Variants in WWOX observed in about 807,000 individuals in gnomAD.
The protein encoded by WWOX is WW domain containing oxidoreductase.
WWOX carries 69 observed loss-of-function variants against 46.2 expected under a neutral mutation model. That is an observed-to-expected ratio of 1.49 (90% CI 1.23 to 1.82). The LOEUF (loss-of-function observed/expected upper bound fraction) is 1.82. Ranked by LOEUF, WWOX falls within the 40% of genes most tolerant of loss-of-function variation. WWOX has a pLI of 0.00. For missense variants in WWOX, 919 were observed against 542.6 expected (o/e 1.69, Z -6.89); for synonymous variants, 359 against 202.6 (o/e 1.77, Z -6.56).
At chr16:79,005,041 G>C (rs975843596) in intron 8 of WWOX, among the ~76,000 whole-genome samples, 1 of 152,174 alleles carries the variant, frequency 6.6e-6, no homozygotes, top group East Asian at 1.9e-4. Flanking sequence ...GCACAAATGT[G>C]CTTGTTTTTG....
intron 8 of WWOX, among the ~76,000 whole-genome samples, chr16:78,734,448 C>T (rs1273624503): frequency 6.6e-6 from 1 of 152,106 alleles, no homozygotes; most frequent in African/African-American, 2.4e-5. Flanking sequence ...ACCTATTTAA[C>T]CTGTGCGTCC....
intron 5 of WWOX, among the ~76,000 whole-genome samples, chr16:78,254,502 G>GTTTTTTTTTTTTTTTTTTTTTTTT (rs59706959): frequency 3.3e-5 from 3 of 91,648 alleles, no homozygotes; most frequent in African/African-American, 1.6e-4. Context: ...TTTCTTTCTT[G>GTTTTTTTTTTTTTTTTTTTTTTTT]TTTTTTTTTT....
At chr16:78,818,564 C>G (rs2051405858) in intron 8 of WWOX, among the ~76,000 whole-genome samples, 2 of 152,176 alleles carry the variant, frequency 1.3e-5, no homozygotes, top group South Asian at 2.1e-4. Flanking sequence ...GACCCAATCT[C>G]TCCAAAAAGT....
intron 8 of WWOX, among the ~76,000 whole-genome samples, chr16:78,838,809 C>G (rs1472799828): frequency 6.6e-6 from 1 of 152,154 alleles, no homozygotes; most frequent in Non-Finnish European, 1.5e-5. Flanking sequence ...TGCCCCTGTA[C>G]TCCAGCCTGG....
intron 8 of WWOX, among the ~76,000 whole-genome samples, chr16:79,070,645 G>A (rs1259420243): frequency 6.6e-6 from 1 of 152,176 alleles, no homozygotes; most frequent in Admixed American, 6.5e-5. Flanking sequence ...AGAAGTTCAG[G>A]GCGTGAGAGG....
At chr16:78,828,761 A>G (rs555972947) in intron 8 of WWOX, among the ~76,000 whole-genome samples, 5 of 152,134 alleles carry the variant, frequency 3.3e-5, no homozygotes, top group East Asian at 1.9e-4. Flanking sequence ...TAAAGTGGGC[A>G]CAATTATTAT....
chr16:78,908,920 G>C (rs898012285), intron 8 of WWOX, among the ~76,000 whole-genome samples: 6 of 152,196 alleles, frequency 3.9e-5, no homozygotes, highest in African/African-American at 1.2e-4. Context: ...TGCAGCCTCC[G>C]GCAGCATGAC....
At chr16:79,089,569 A>G (rs117506751) in intron 8 of WWOX, among the ~76,000 whole-genome samples, 7 of 152,076 alleles carry the variant, frequency 4.6e-5, no homozygotes, top group Non-Finnish European at 1.0e-4. Context: ...TGACCTCATG[A>G]TCTGCCCGCC....
At chr16:78,212,108 C>T (rs1897553809) in intron 5 of WWOX, among the ~76,000 whole-genome samples, 1 of 152,220 alleles carries the variant, frequency 6.6e-6, no homozygotes, top group Admixed American at 6.5e-5. Flanking sequence ...GGGCCGGGAA[C>T]TGCCCTGCCC....
chr16:78,285,666 G>C (rs2079754940), intron 5 of WWOX, among the ~76,000 whole-genome samples: 1 of 152,176 alleles, frequency 6.6e-6, no homozygotes, highest in Admixed American at 6.5e-5. Flanking sequence ...CATTCTGACG[G>C]ACTCTCGGAT....
chr16:79,043,649 G>C (rs916009418), intron 8 of WWOX, among the ~76,000 whole-genome samples: 7 of 152,214 alleles, frequency 4.6e-5, no homozygotes, highest in Non-Finnish European at 8.8e-5. Context: ...AGTAATTTGA[G>C]ACATGATGAT....
chr16:78,398,719 C>T (rs6564540), intron 6 of WWOX, among the ~76,000 whole-genome samples: 11,015 of 152,168 alleles, frequency 0.072, 517 homozygotes, highest in South Asian at 0.17. Context: ...AAGATGGTGA[C>T]GCTGGCAAAT....
At chr16:78,478,051 T>A (rs918109589) in intron 8 of WWOX, among the ~76,000 whole-genome samples, 5 of 152,292 alleles carry the variant, frequency 3.3e-5, no homozygotes, top group Admixed American at 1.3e-4. Context: ...AAAGAAATAT[T>A]CGTAATCAAT....
chr16:78,830,448 G>T (rs940625229), intron 8 of WWOX, among the ~76,000 whole-genome samples: 6 of 151,960 alleles, frequency 3.9e-5, no homozygotes, highest in Admixed American at 2.6e-4. Flanking sequence ...CTAAGAAGTG[G>T]TAGTACCTAT....
At chr16:78,957,276 G>A (rs1384735487) in intron 8 of WWOX, among the ~76,000 whole-genome samples, 1 of 152,162 alleles carries the variant, frequency 6.6e-6, no homozygotes, top group Non-Finnish European at 1.5e-5. Flanking sequence ...ACCGACATGC[G>A]TGACGACCAG....
At chr16:78,983,552 GC>G (rs1182869237) in intron 8 of WWOX, among the ~76,000 whole-genome samples, 1 of 152,148 alleles carries the variant, frequency 6.6e-6, no homozygotes, top group Non-Finnish European at 1.5e-5. Flanking sequence ...GAGTTGTGGG[GC>G]TAAATGTTCA....
intron 5 of WWOX, among the ~76,000 whole-genome samples, chr16:78,342,608 C>G (rs1422661314): frequency 8.3e-6 from 1 of 120,612 alleles, no homozygotes; most frequent in African/African-American, 2.8e-5. Context: ...AGAAGCATGA[C>G]TTCCAGCCAA....
At chr16:78,739,340 G>A (rs28452080) in intron 8 of WWOX, among the ~76,000 whole-genome samples, 22,789 of 152,102 alleles carry the variant, frequency 0.15, 2,090 homozygotes, top group African/African-American at 0.25. Context: ...AACACTCGCA[G>A]CAGAGGGCAT....
chr16:78,522,043 G>C (rs1018463097), intron 8 of WWOX, among the ~76,000 whole-genome samples: 2 of 151,836 alleles, frequency 1.3e-5, no homozygotes, highest in Admixed American at 6.6e-5. Flanking sequence ...TTTGTAGTAA[G>C]TGGGAGAGCT....
Sources: gnomAD v4.1 joint callset for allele counts (sites outside exome capture counted in the v4.1 genomes callset) on GRCh38, gnomAD v4.1.1 for gene constraint, MANE v1.5 for transcripts, NCBI Gene and HGNC (gene_info 2026-07-23, HGNC 2026-07-21) for gene names.